The following TRAPPC12 variants were observed in gnomAD, a reference collection of about 807,000 sequenced individuals.
The protein encoded by TRAPPC12 is trafficking protein particle complex subunit 12, also known as TPR repeat protein 15.
In TRAPPC12, 61 loss-of-function variants were observed where a neutral mutation model predicts 69.2. The ratio of observed to expected loss-of-function variants is 0.88; its 90% CI spans 0.72 to 1.09. The LOEUF is 1.09. Among genes scored for constraint, TRAPPC12 ranks in the 50% least tolerant of loss-of-function variants. The pLI is 0.00. For missense variants in TRAPPC12, 1,101 were observed against 1,016.4 expected (o/e 1.08, Z -1.13); for synonymous variants, 469 against 438.9 (o/e 1.07, Z -0.86).
At chr2:3,409,468 C>A (rs1661918192) in intron 3 of TRAPPC12, among the ~76,000 whole-genome samples, 1 of 152,048 alleles carries the variant, frequency 6.6e-6, no homozygotes, top group Non-Finnish European at 1.5e-5. Flanking sequence ...AATCATCTGG[C>A]TGGGCACAAT....
intron 5 of TRAPPC12, among the ~76,000 whole-genome samples, chr2:3,428,943 C>G (rs1663273852): frequency 6.6e-6 from 1 of 152,198 alleles, no homozygotes; most frequent in Admixed American, 6.5e-5. Context: ...TTCCTCTGTT[C>G]CTCTTCTACT....
intron 5 of TRAPPC12, 188 bp from the exon 6 acceptor site, chr2:3,443,591 A>G: frequency 3.2e-6 from 2 of 625,192 alleles, no homozygotes; most frequent in African/African-American, 1.8e-5. Context: ...CGAGACATAC[A>G]TACATAGAGC....
intron 2 of TRAPPC12, among the ~76,000 whole-genome samples, chr2:3,392,928 T>G (rs1374468612): frequency 6.6e-6 from 1 of 152,164 alleles, no homozygotes; most frequent in Non-Finnish European, 1.5e-5. Context: ...GGAATCAACC[T>G]AAGTGCCTAT....
At position 3,457,674 on chromosome 2, in the gene TRAPPC12, G is replaced by A; in HGVS notation, c.1584G>A (p.Val528=). ...CAGAAGACGGCGGCATGAGCAGCGTGACTCAGGAGGGCAGACAAGGTGGGT... is the reference window on the plus strand; with the variant it reads ...CAGAAGACGGCGGCATGAGCAGCGTAACTCAGGAGGGCAGACAAGGTGGGT... ...GLAEDGGMSS[V]TQEGRQASIR... Residue 528 remains valine (V), a synonymous_variant, in exon 7 of 12, where the codon GTG becomes GTA. Transcript: ENST00000324266. 1 of 1,611,468 alleles carries A rather than the reference G, an allele frequency of 6.2e-7. No individual in the cohort carries two copies. Among genetic ancestry groups the A allele is most frequent in the Admixed American group, 1.7e-5 (1 of 60,022 alleles).
chr2:3,465,022 A>G (rs954983810), intron 8 of TRAPPC12, among the ~76,000 whole-genome samples: 14 of 152,232 alleles, frequency 9.2e-5, no homozygotes, highest in African/African-American at 3.4e-4. Context: ...TAAAACGGGA[A>G]GGTCTCATGC....
chr2:3,457,957 C>G, intron 7 of TRAPPC12: 1 of 1,356,206 alleles, frequency 7.4e-7, no homozygotes, highest in Non-Finnish European at 9.5e-7. Context: ...CGGCCCGGAA[C>G]CTGCCACGCT....
intron 1 of TRAPPC12, among the ~76,000 whole-genome samples, chr2:3,381,762 TC>T (rs1257407613): frequency 2.0e-5 from 3 of 152,354 alleles, no homozygotes; most frequent in South Asian, 4.1e-4. Flanking sequence ...CGTTGAAACT[TC>T]CGTGTGTCCC....
chr2:3,463,060 T>G (rs1665596528), intron 8 of TRAPPC12: 2 of 431,198 alleles, frequency 4.6e-6, no homozygotes, highest in African/African-American at 4.1e-5. Context: ...TAAAATAGAC[T>G]TGTCCCTGGA....
intron 1 of TRAPPC12, among the ~76,000 whole-genome samples, chr2:3,382,130 C>CTTTTTTT (rs70938942): frequency 1.1e-4 from 10 of 93,590 alleles, no homozygotes; most frequent in Admixed American, 5.2e-4. Context: ...TTTATTTCCA[C>CTTTTTTT]TTTTTTTTTT....
chr2:3,424,682 A>G lies in TRAPPC12; in HGVS notation c.1417+19A>G. 6.4e-7 allele frequency: 1 copy of G among 1,562,882 alleles called. No homozygotes were observed. Among genetic ancestry groups the G allele is most frequent in the Non-Finnish European group, 8.6e-7 (1 of 1,157,236 alleles). On this transcript the variant is annotated intron_variant, in intron 5 of 11. Transcript: ENST00000324266. ...CGCAGGGGTAAGGCCATGGTATTTA[A>G]TATTTGTACATTTGTCTGTGTGTCG...
intron 8 of TRAPPC12, among the ~76,000 whole-genome samples, chr2:3,464,835 G>A (rs1665718839): frequency 6.6e-6 from 1 of 152,260 alleles, no homozygotes; most frequent in Non-Finnish European, 1.5e-5. Context: ...GGCATGAGTG[G>A]GCAGATGGAC....
rs760942184 is a variant in TRAPPC12 at position 3,457,611 on chromosome 2, A to G, written c.1531-10A>G. The G allele has an allele frequency of 1.2e-6, 2 of 1,612,596 alleles. No individual in the cohort carries two copies. The highest frequency in any genetic ancestry group is 1.7e-5 in the Admixed American group (1 of 60,010). Reference sequence around the variant, plus strand: ...CATGATTTTGTCCTTCTCATTTGGAATGATTGCAGATCCTGGCCAATTTGG... The same window carrying G: ...CATGATTTTGTCCTTCTCATTTGGAGTGATTGCAGATCCTGGCCAATTTGG... On this transcript the variant is annotated splice_polypyrimidine_tract_variant and intron_variant, in intron 6 of 11. Coordinates refer to ENST00000324266, the MANE Select transcript of TRAPPC12 (RefSeq NM_016030.6).
Position 3,387,845 on chromosome 2 carries a change from C to A in TRAPPC12, c.222C>A (p.Asp74Glu). 1 of 1,606,408 alleles carries A rather than the reference C, an allele frequency of 6.2e-7. No individual in the cohort carries two copies. Among genetic ancestry groups the A allele is most frequent in the Non-Finnish European group, 8.5e-7 (1 of 1,174,296 alleles). ...EHMMESVLIS[D>E]SPNSEGDAGD... ...TGATGGAGAGCGTCCTCATCTCTGACTCCCCCAACAGCGAGGGCGACGCGG... is the reference window on the plus strand; with the variant it reads ...TGATGGAGAGCGTCCTCATCTCTGAATCCCCCAACAGCGAGGGCGACGCGG... The change falls in exon 2 of 12, where the codon GAC (aspartate) becomes GAA (glutamate). Residue 74 changes from aspartate (D) to glutamate (E), a missense_variant. Transcript: ENST00000324266.
intron 5 of TRAPPC12, among the ~76,000 whole-genome samples, chr2:3,432,617 TC>T (rs1663501353): frequency 6.6e-6 from 1 of 152,244 alleles, no homozygotes; most frequent in African/African-American, 2.4e-5. Context: ...GCATCAGAAC[TC>T]CCGAGCGTTG....
chr2:3,418,546 A>G (rs190180781), intron 3 of TRAPPC12, among the ~76,000 whole-genome samples: 1 of 152,338 alleles, frequency 6.6e-6, no homozygotes. Context: ...CTTCCTGGCC[A>G]TACAGTATCT....
intron 9 of TRAPPC12, chr2:3,468,014 G>A (rs1362574892): frequency 6.6e-6 from 1 of 152,262 alleles, no homozygotes; most frequent in Non-Finnish European, 1.5e-5. Flanking sequence ...CTTGTGGCCT[G>A]TCAGGTGAGC....
chr2:3,421,777 T>G (rs1662802280), intron 3 of TRAPPC12, 104 bp from the exon 4 acceptor site: 1 of 1,076,042 alleles, frequency 9.3e-7, no homozygotes, highest in East Asian at 2.5e-5. Context: ...CTGGCGCTGC[T>G]TCCAGCAAGG....
intron 5 of TRAPPC12, among the ~76,000 whole-genome samples, chr2:3,435,982 G>A (rs1227726101): frequency 6.6e-6 from 1 of 152,176 alleles, no homozygotes; most frequent in African/African-American, 2.4e-5. Context: ...TTGAGTTAGC[G>A]AATTTTAATT....
chr2:3,388,011 G>A lies in TRAPPC12; in HGVS notation c.388G>A (p.Ala130Thr). ...GGACGCGGCACCCAGTAGCGGAGGG[G>A]CCCCGAGGCAGGACGCGGCCCGCGA... Reference protein sequence around the residue: ...PEDAAPSSGGAPRQDAAREVP... With the variant: ...PEDAAPSSGGTPRQDAAREVP... The change falls in exon 2 of 12, where the codon GCC becomes ACC. Residue 130 changes from alanine (A) to threonine (T), a missense_variant. Transcript: ENST00000324266. The A allele has an allele frequency of 2.7e-6, 4 of 1,469,126 alleles. No individual in the cohort carries two copies. Among genetic ancestry groups the A allele is most frequent in the Non-Finnish European group, 3.6e-6 (4 of 1,117,166 alleles). The allele number at this position is 1,469,126 out of a possible 1,614,324, so 91.0% of individuals were successfully genotyped here. A position where few individuals can be genotyped will look rare whatever the true frequency, so the allele number is the denominator to read the frequency against.
Sources: allele counts gnomAD v4.1 joint callset (sites outside exome capture counted in the v4.1 genomes callset), GRCh38; gene constraint gnomAD v4.1.1; transcripts MANE v1.5; gene names NCBI Gene and HGNC (gene_info 2026-07-23, HGNC 2026-07-21).